Variants in GALNT13 observed in about 807,000 individuals in gnomAD.
GALNT13 encodes polypeptide N-acetylgalactosaminyltransferase 13.
GALNT13 carries 28 observed loss-of-function variants against 64.2 expected under a neutral mutation model. The observed-to-expected ratio is 0.44, with a 90% CI of 0.32 to 0.60. GALNT13 has a LOEUF of 0.60. GALNT13 is among the 20% of genes least tolerant of loss of function. The probability of loss-of-function intolerance (pLI) is 0.05; values close to 1 mark genes in which losing one functional copy is unlikely to be tolerated. For synonymous variants in GALNT13, 214 were observed against 224.6 expected, an observed-to-expected ratio of 0.95 and a Z score of 0.42; for missense variants, 577 against 669.8, an observed-to-expected ratio of 0.86 and a Z score of 1.53.
chr2:153,351,890 G>T, the GALNT13 span, among the ~76,000 whole-genome samples: 1 of 152,044 alleles, frequency 6.6e-6, no homozygotes, highest in Non-Finnish European at 1.5e-5. Flanking sequence ...TCTTAAGTTT[G>T]GGCAATTATA....
At chr2:154,424,309 C>T (rs1200690288) in intron 11 of GALNT13, among the ~76,000 whole-genome samples, 2 of 152,168 alleles carry the variant, frequency 1.3e-5, no homozygotes, top group Admixed American at 6.5e-5. Flanking sequence ...GGCTCTCCCA[C>T]TTGCAAACGG....
chr2:153,604,658 G>A, the GALNT13 span, among the ~76,000 whole-genome samples: 3 of 151,934 alleles, frequency 2.0e-5, no homozygotes, highest in African/African-American at 7.2e-5. Context: ...AGTTATGTGT[G>A]GCTCCTTCAG....
chr2:154,381,693 C>G (rs1297554855), intron 9 of GALNT13, among the ~76,000 whole-genome samples: 1 of 152,014 alleles, frequency 6.6e-6, no homozygotes, highest in Non-Finnish European at 1.5e-5. Flanking sequence ...TCTGTTTCAC[C>G]CAAGTCCAAT....
At chr2:153,070,040 G>C in the GALNT13 span, among the ~76,000 whole-genome samples, 5 of 152,116 alleles carry the variant, frequency 3.3e-5, no homozygotes, top group Non-Finnish European at 5.9e-5. Flanking sequence ...TACTCACTCA[G>C]AATTTTTTAA....
At chr2:153,591,428 C>T in the GALNT13 span, among the ~76,000 whole-genome samples, 1 of 151,746 alleles carries the variant, frequency 6.6e-6, no homozygotes, top group African/African-American at 2.4e-5. Flanking sequence ...CCATAATTTC[C>T]CTCAGAATTA....
At chr2:153,353,831 A>G in the GALNT13 span, among the ~76,000 whole-genome samples, 1 of 152,108 alleles carries the variant, frequency 6.6e-6, no homozygotes, top group East Asian at 1.9e-4. Flanking sequence ...CTTTTGATAT[A>G]TCTTTGGATT....
At chr2:153,685,004 A>C in the GALNT13 span, among the ~76,000 whole-genome samples, 264 of 151,720 alleles carry the variant, frequency 1.7e-3, no homozygotes, top group African/African-American at 6.1e-3. Context: ...TTAAGGCTGC[A>C]TAGTATCCAT....
At chr2:153,737,789 A>C in the GALNT13 span, among the ~76,000 whole-genome samples, 5 of 152,034 alleles carry the variant, frequency 3.3e-5, no homozygotes, top group Admixed American at 6.6e-5. Context: ...TCACCTGTAA[A>C]ATAATTATAA....
At chr2:154,111,351 C>G (rs1035699314) in intron 3 of GALNT13, among the ~76,000 whole-genome samples, 5 of 152,154 alleles carry the variant, frequency 3.3e-5, no homozygotes, top group African/African-American at 1.2e-4. Context: ...CCTGATAGAT[C>G]TCCTATATAT....
At chr2:153,435,997 G>T in the GALNT13 span, among the ~76,000 whole-genome samples, 3 of 152,118 alleles carry the variant, frequency 2.0e-5, no homozygotes, top group Non-Finnish European at 4.4e-5. Context: ...TTTGAGATAC[G>T]TGCCATCAAT....
At chr2:153,584,772 C>T in the GALNT13 span, among the ~76,000 whole-genome samples, 1 of 152,188 alleles carries the variant, frequency 6.6e-6, no homozygotes, top group Non-Finnish European at 1.5e-5. Context: ...AACTTCATCA[C>T]AGCTCCTGCC....
At chr2:153,402,136 C>G in the GALNT13 span, among the ~76,000 whole-genome samples, 1 of 137,538 alleles carries the variant, frequency 7.3e-6, no homozygotes, top group East Asian at 2.0e-4. Flanking sequence ...GTGACAAAAT[C>G]TCTCAGCAAT....
the GALNT13 span, among the ~76,000 whole-genome samples, chr2:153,088,715 T>C: frequency 6.6e-6 from 1 of 152,164 alleles, no homozygotes; most frequent in South Asian, 2.1e-4. Context: ...TTATTATTGT[T>C]ATTATGTCCC....
the GALNT13 span, among the ~76,000 whole-genome samples, chr2:153,865,481 C>T: frequency 3.6e-5 from 5 of 139,028 alleles, no homozygotes; most frequent in Non-Finnish European, 6.2e-5. Context: ...ACAAACAACC[C>T]CATCAAAAAC....
At chr2:153,945,926 T>C (rs1188213133) in intron 3 of GALNT13, among the ~76,000 whole-genome samples, 2 of 152,174 alleles carry the variant, frequency 1.3e-5, no homozygotes, top group Non-Finnish European at 2.9e-5. Flanking sequence ...TAAAAAAATT[T>C]GCAAGTGACT....
the GALNT13 span, among the ~76,000 whole-genome samples, chr2:153,380,012 A>G: frequency 6.6e-6 from 1 of 152,128 alleles, no homozygotes; most frequent in Non-Finnish European, 1.5e-5. Context: ...CAATATTTCA[A>G]TTGGTACTTG....
At chr2:153,427,133 G>A in the GALNT13 span, among the ~76,000 whole-genome samples, 1 of 151,864 alleles carries the variant, frequency 6.6e-6, no homozygotes, top group African/African-American at 2.4e-5. Flanking sequence ...TGTTTTTTGA[G>A]TACCTATTCA....
chr2:153,562,058 CTCTGTGTGTGTGTG>C, the GALNT13 span, among the ~76,000 whole-genome samples: 2,413 of 87,110 alleles, frequency 0.028, 62 homozygotes, highest in African/African-American at 0.095. Context: ...CTCTCTCTCT[CTCTGTGTGTGTGTG>C]TGTGTGTGTG....
rs115506630 is a variant in GALNT13 at position 154,100,394 on chromosome 2, G to A, written c.143-39943G>A. Among the ~76,000 whole-genome samples, 297 of 152,144 alleles carry A rather than the reference G, an allele frequency of 2.0e-3. 3 individuals carry two copies. The East Asian group carries it at 0.025, about 13-fold the overall frequency. The stretch of plus-strand genomic sequence containing the variant: ...CTATGATTTCTTTCAGCAGTACTTC[G>A]TAGTTCTCCTTGTAGAGATTATTCA... On this transcript the variant is annotated intron_variant, in intron 3 of 12. Coordinates refer to ENST00000392825, the MANE Select transcript of GALNT13 (RefSeq NM_052917.4).
Sources: allele counts gnomAD v4.1 joint callset (sites outside exome capture counted in the v4.1 genomes callset), GRCh38; gene constraint gnomAD v4.1.1; transcripts MANE v1.5; gene names NCBI Gene and HGNC (gene_info 2026-07-23, HGNC 2026-07-21).